GRIN2A: variants seen among roughly 807,000 people sequenced by gnomAD.
GRIN2A encodes the protein glutamate ionotropic receptor NMDA type subunit 2A.
Under a neutral mutation model 113.4 loss-of-function variants are expected in GRIN2A, and 22 were observed. The observed-to-expected ratio is 0.19, with a 90% CI of 0.14 to 0.28. The LOEUF is 0.28. Ranked by LOEUF, GRIN2A falls within the 10% of genes least tolerant of loss-of-function variation. The pLI is 1.00. For synonymous variants in GRIN2A, 827 were observed against 738.4 expected (o/e 1.12, Z -1.94); for missense variants, 1,502 against 1,887.0 (o/e 0.80, Z 3.78).
chr16:10,010,382 T>C (rs1415892121), intron 2 of GRIN2A, among the ~76,000 whole-genome samples: 1 of 152,186 alleles, frequency 6.6e-6, no homozygotes, highest in Non-Finnish European at 1.5e-5. Context: ...GCTTAATACC[T>C]GGGCGCTGAA....
intron 2 of GRIN2A, among the ~76,000 whole-genome samples, chr16:9,975,532 T>C (rs1263555823): frequency 6.6e-6 from 1 of 152,068 alleles, no homozygotes; most frequent in Non-Finnish European, 1.5e-5. Context: ...TGCAAATAAA[T>C]GGGAACCTCA....
chr16:9,863,793 C>G (rs1379757864), intron 4 of GRIN2A, among the ~76,000 whole-genome samples: 1 of 152,118 alleles, frequency 6.6e-6, no homozygotes, highest in Non-Finnish European at 1.5e-5. Context: ...TATTGTTGGC[C>G]AACACAACAC....
Position 9,893,021 on chromosome 16 carries a change from T to C in GRIN2A, c.1008-1921A>G, listed in dbSNP as rs549315212. Among the ~76,000 whole-genome samples, 9 of 151,676 alleles carry C rather than the reference T, an allele frequency of 5.9e-5. No individual in the cohort carries two copies. The South Asian group carries it at 8.4e-4, about 14-fold the overall frequency. ...AGACACTGGCCTAATGGGTCACATGTACATCCCTGGACCAGCATGGTGCAG... is the reference window on the plus strand; with the variant it reads ...AGACACTGGCCTAATGGGTCACATGCACATCCCTGGACCAGCATGGTGCAG... On this transcript the variant is annotated intron_variant, in intron 3 of 12. Transcript: ENST00000330684.
chr16:9,886,693 G>C (rs1464105127), intron 4 of GRIN2A, among the ~76,000 whole-genome samples: 3 of 152,108 alleles, frequency 2.0e-5, no homozygotes, highest in Admixed American at 1.3e-4. Flanking sequence ...ATAACTATTT[G>C]TTGAATAAAA....
At chr16:9,778,318 T>C (rs1391870617) in intron 11 of GRIN2A, among the ~76,000 whole-genome samples, 1 of 152,196 alleles carries the variant, frequency 6.6e-6, no homozygotes, top group Admixed American at 6.5e-5. Context: ...TGGAATCTGC[T>C]TAACCAATCT....
intron 2 of GRIN2A, among the ~76,000 whole-genome samples, chr16:10,029,106 T>C (rs903246086): frequency 2.0e-5 from 3 of 152,210 alleles, no homozygotes; most frequent in Non-Finnish European, 4.4e-5. Flanking sequence ...GCCCTCTTTC[T>C]GTCCCCACTG....
At chr16:10,022,180 T>C (rs1242412748) in intron 2 of GRIN2A, among the ~76,000 whole-genome samples, 1 of 151,920 alleles carries the variant, frequency 6.6e-6, no homozygotes, top group East Asian at 1.9e-4. Context: ...AGGTGCTTGA[T>C]AAATATGTGT....
intron 4 of GRIN2A, among the ~76,000 whole-genome samples, chr16:9,864,030 T>C (rs1398232070): frequency 6.6e-6 from 1 of 152,204 alleles, no homozygotes; most frequent in Non-Finnish European, 1.5e-5. Flanking sequence ...GACAGTCCTT[T>C]GTTACAGTAA....
chr16:10,156,954 A>T (rs1439151573), intron 2 of GRIN2A, among the ~76,000 whole-genome samples: 1 of 152,202 alleles, frequency 6.6e-6, no homozygotes, highest in Non-Finnish European at 1.5e-5. Flanking sequence ...TGATGGGTGC[A>T]CTGTGGGAGA....
At chr16:9,877,443 T>C (rs1417346346) in intron 4 of GRIN2A, among the ~76,000 whole-genome samples, 2 of 152,164 alleles carry the variant, frequency 1.3e-5, no homozygotes, top group Non-Finnish European at 2.9e-5. Context: ...CCATCTCCAG[T>C]TGAAGGTGGG....
intron 2 of GRIN2A, among the ~76,000 whole-genome samples, chr16:10,042,412 T>C (rs35467724): frequency 0.34 from 51,882 of 151,818 alleles, 9,419 homozygotes; most frequent in East Asian, 0.58. Context: ...AATCAATAAA[T>C]GAGGCCCCCT....
chr16:10,021,913 A>G (rs1348489071), intron 2 of GRIN2A, among the ~76,000 whole-genome samples: 1 of 152,076 alleles, frequency 6.6e-6, no homozygotes, highest in Non-Finnish European at 1.5e-5. Context: ...GGGGATCATC[A>G]TGCTGTGTTA....
intron 10 of GRIN2A, among the ~76,000 whole-genome samples, chr16:9,821,334 G>C (rs921641371): frequency 1.1e-4 from 16 of 151,934 alleles, no homozygotes; most frequent in African/African-American, 3.6e-4. Flanking sequence ...GCATTCCTGG[G>C]TCTACATCCA....
intron 7 of GRIN2A, among the ~76,000 whole-genome samples, chr16:9,838,522 C>A (rs957369757): frequency 6.6e-6 from 1 of 152,120 alleles, no homozygotes; most frequent in African/African-American, 2.4e-5. Flanking sequence ...TGGAGGCCAT[C>A]ATTCTAAATA....
chr16:10,082,372 A>T (rs1019174135), intron 2 of GRIN2A, among the ~76,000 whole-genome samples: 1 of 152,216 alleles, frequency 6.6e-6, no homozygotes, highest in Non-Finnish European at 1.5e-5. Flanking sequence ...AGTAGGCAAA[A>T]TTCTAAGATG....
intron 2 of GRIN2A, among the ~76,000 whole-genome samples, chr16:9,960,234 GAC>G (rs2045409960): frequency 6.6e-6 from 1 of 152,194 alleles, no homozygotes; most frequent in Non-Finnish European, 1.5e-5. Flanking sequence ...CTAGATTGCA[GAC>G]ACAGAGTTTA....
At chr16:9,893,678 G>A (rs191898194) in intron 3 of GRIN2A, among the ~76,000 whole-genome samples, 1 of 152,090 alleles carries the variant, frequency 6.6e-6, no homozygotes, top group Non-Finnish European at 1.5e-5. Context: ...TGTTGACCAG[G>A]CTGGTCCCGA....
chr16:10,134,900 G>A (rs920953777), intron 2 of GRIN2A, among the ~76,000 whole-genome samples: 1 of 151,088 alleles, frequency 6.6e-6, no homozygotes, highest in East Asian at 2.0e-4. Context: ...CACTCTGTGT[G>A]GCTGAATACT....
At chr16:10,015,912 C>T (rs1179112021) in intron 2 of GRIN2A, among the ~76,000 whole-genome samples, 2 of 151,914 alleles carry the variant, frequency 1.3e-5, no homozygotes, top group Admixed American at 6.6e-5. Context: ...GGAGGATCAC[C>T]TGAGGTCAGC....
Sources: gnomAD v4.1 joint callset for allele counts (sites outside exome capture counted in the v4.1 genomes callset) on GRCh38, gnomAD v4.1.1 for gene constraint, MANE v1.5 for transcripts, NCBI Gene and HGNC (gene_info 2026-07-23, HGNC 2026-07-21) for gene names.